Variants in ZNF12 observed in about 807,000 individuals in gnomAD.
ZNF12 encodes gonadotropin inducible transcription repressor 3.
A neutral mutation model predicts 66.6 loss-of-function variants in ZNF12; 34 were observed. The ratio of observed to expected loss-of-function variants is 0.51; its 90% CI spans 0.39 to 0.68. The LOEUF is 0.68. ZNF12 is among the 30% of genes least tolerant of loss of function. The pLI, the probability that ZNF12 is intolerant of heterozygous loss-of-function variation, is 0.00. For synonymous variants in ZNF12, 320 were observed against 278.9 expected (o/e 1.15, Z -1.47); for missense variants, 697 against 826.9 (o/e 0.84, Z 1.93).
In ZNF12 at chr7:6,690,717, G is replaced by T. The variant is rs1048692541; in HGVS notation, c.*131C>A. ...TCCATTCTGTGAGTCTTCAGATTAT[G>T]AGTCCAACACACAAGGGGATGTCCA... On this transcript the variant is annotated 3_prime_UTR_variant, in exon 5 of 5. Coordinates refer to ENST00000405858, the MANE Select transcript of ZNF12 (RefSeq NM_016265.4). 1.1e-6 allele frequency: 1 copy of T among 891,878 alleles called. No individual in the cohort carries two copies. Among genetic ancestry groups the T allele is most frequent in the Non-Finnish European group, 1.6e-6 (1 of 607,000 alleles). 55.2% of individuals were successfully genotyped at this position (891,878 alleles called of 1,614,324 possible).
chr7:6,693,656 C>T (rs1780110087), intron 4 of ZNF12, among the ~76,000 whole-genome samples: 1 of 152,216 alleles, frequency 6.6e-6, no homozygotes, highest in African/African-American at 2.4e-5. Flanking sequence ...ATGGCACCTA[C>T]CTCATAAGGT....
In ZNF12 at chr7:6,692,363, A is replaced by G. The variant is rs755069648; in HGVS notation, c.579T>C (p.Asn193=). ...THPGDQAYEF[N]QNGEPYTLNE... is the part of the protein sequence containing the mutation. ...TTAGAGTATAAGGTTCCCCATTTTG[A>G]TTAAATTCATAAGCTTGATCTCCTG... is the stretch of plus-strand genomic sequence containing the variant. The change falls in exon 5 of 5, where the codon AAT becomes AAC. Residue 193 remains asparagine (N), a synonymous_variant. Coordinates refer to ENST00000405858, the MANE Select transcript of ZNF12 (RefSeq NM_016265.4). The surrounding 1 kb of genome is among the most constrained non-coding windows in gnomAD (Gnocchi z 5.1). 1 of 1,609,574 alleles carries G rather than the reference A, an allele frequency of 6.2e-7. No individual in the cohort carries two copies. The highest frequency in any genetic ancestry group is 8.5e-7 in the Non-Finnish European group (1 of 1,177,956).
chr7:6,700,224 G>A (rs1212553729), intron 2 of ZNF12, among the ~76,000 whole-genome samples: 1 of 151,126 alleles, frequency 6.6e-6, no homozygotes, highest in African/African-American at 2.4e-5. Context: ...GGTGGAGCTT[G>A]CAGTGAGCCG....
rs1314353721 is a variant in ZNF12 at position 6,690,846 on chromosome 7, C to A, written c.*2G>T. On this transcript the variant is annotated 3_prime_UTR_variant, in exon 5 of 5. Transcript: ENST00000405858. ...TTCTCTGATATAAAATGAGGTCTGA[C>A]TTCAGAGAAGCCTTCCCACATCTAT... The A allele has an allele frequency of 1.2e-6, 2 of 1,602,590 alleles. No homozygotes were observed. Among genetic ancestry groups the A allele is most frequent in the Middle Eastern group, 1.7e-4 (1 of 6,004 alleles).
chr7:6,698,279 C>CT lies in ZNF12; in HGVS notation c.16-469_16-468insA, dbSNP rs1274119517. On this transcript the variant is annotated intron_variant, in intron 2 of 4. Coordinates refer to ENST00000405858, the MANE Select transcript of ZNF12 (RefSeq NM_016265.4). This position sits in a 1 kb window ranked among gnomAD's most constrained non-coding sequence, Gnocchi z 4.4. The stretch of plus-strand genomic sequence containing the variant: ...TCCAAGTCATCCTGAATGTTGTGGG[C>CT]CTACGGCTGTCTTGAGTCTTTTTCT... Among the ~76,000 whole-genome samples, 1 of 66 alleles carries CT rather than the reference C, an allele frequency of 0.015. No individual in the cohort carries two copies. Among genetic ancestry groups the CT allele is most frequent in the Non-Finnish European group, 0.031 (1 of 32 alleles). 0.0% of individuals were successfully genotyped at this position (66 alleles called of 152,430 possible).
At position 6,706,517 on chromosome 7, in the gene ZNF12, G is replaced by A. The variant is rs932754043; in HGVS notation, c.-136C>T. On this transcript the variant is annotated 5_prime_UTR_variant, in exon 1 of 5. Coordinates refer to ENST00000405858, the MANE Select transcript of ZNF12 (RefSeq NM_016265.4). The stretch of plus-strand genomic sequence containing the variant: ...TCGCGGGCGCGCGTCTGCTCGCGAG[G>A]TCCCTTCCTGTCCACCTCACCAAGG... 18 of 470,882 alleles carry A rather than the reference G, an allele frequency of 3.8e-5. No homozygotes were observed. Among genetic ancestry groups the A allele is most frequent in the African/African-American group, 7.9e-5 (4 of 50,480 alleles). The allele number at this position is 470,882 out of a possible 1,614,324, so 29.2% of individuals were successfully genotyped here.
intron 4 of ZNF12, among the ~76,000 whole-genome samples, chr7:6,695,330 G>A (rs1481806072): frequency 6.6e-6 from 1 of 152,172 alleles, no homozygotes; most frequent in African/African-American, 2.4e-5. Context: ...AATCATATAG[G>A]TATTTTTCCA....
intron 2 of ZNF12, among the ~76,000 whole-genome samples, chr7:6,703,214 G>C (rs1780286039): frequency 1.3e-5 from 2 of 152,218 alleles, no homozygotes; most frequent in South Asian, 4.1e-4. Flanking sequence ...TTTCGTAGTA[G>C]CCACTCTGGG....
At chr7:6,703,671 A>G (rs1780295616) in intron 2 of ZNF12, among the ~76,000 whole-genome samples, 2 of 152,178 alleles carry the variant, frequency 1.3e-5, no homozygotes, top group South Asian at 4.1e-4. Context: ...GGACAGTTCT[A>G]TGTGGGAAAA....
At chr7:6,700,615 CTATT>C (rs1459028416) in intron 2 of ZNF12, among the ~76,000 whole-genome samples, 1 of 152,156 alleles carries the variant, frequency 6.6e-6, no homozygotes, top group Non-Finnish European at 1.5e-5. Context: ...ATGTCAGTCT[CTATT>C]AATTTCAGCT....
At position 6,706,693 on chromosome 7, in the gene ZNF12, C is replaced by T. The variant is rs1780364894; in HGVS notation, c.-312G>A. 3.8e-6 allele frequency: 1 copy of T among 265,184 alleles called. No individual in the cohort carries two copies. The highest frequency in any genetic ancestry group is 2.4e-5 in the African/African-American group (1 of 41,958). 16.4% of individuals were successfully genotyped at this position (265,184 alleles called of 1,614,324 possible). ...GACGCACACGGGCCGGGCCCGGGTC[C>T]CGCCGCCCCTTCGCCTCCGCCGTCG... is the stretch of plus-strand genomic sequence containing the variant. On this transcript the variant is annotated 5_prime_UTR_variant, in exon 1 of 5. Coordinates refer to ENST00000405858, the MANE Select transcript of ZNF12 (RefSeq NM_016265.4).
chr7:6,700,411 C>T (rs1780221975), intron 2 of ZNF12, among the ~76,000 whole-genome samples: 1 of 151,980 alleles, frequency 6.6e-6, no homozygotes, highest in Non-Finnish European at 1.5e-5. Flanking sequence ...ATTTCAGTCA[C>T]ACTTCTGTCC....
Position 6,691,031 on chromosome 7 carries a change from C to T in ZNF12, c.1911G>A (p.Glu637=), listed in dbSNP as rs764598556. ...HSGEKPFECN[E]CGKAFSRMSY... is the part of the protein sequence containing the mutation. ...ACATCCGAGAGAAGGCTTTTCCACA[C>T]TCATTACATTCAAAGGGTTTCTCTC... Residue 637 remains glutamate, a synonymous_variant, in exon 5 of 5, where the codon GAG becomes GAA. Transcript: ENST00000405858. The T allele has an allele frequency of 1.2e-5, 20 of 1,613,624 alleles. No homozygotes were observed. In the East Asian group the frequency reaches 4.0e-4, roughly 32 times the overall value.
In ZNF12 at chr7:6,692,663, C is replaced by G. The variant is rs764217807; in HGVS notation, c.279G>C (p.Gln93His). The G allele has an allele frequency of 1.2e-5, 20 of 1,608,328 alleles. No homozygotes were observed. In the East Asian group the frequency reaches 4.5e-4, roughly 36 times the overall value. The change falls in exon 5 of 5, where the codon CAG becomes CAC. Residue 93 changes from glutamine to histidine, a missense_variant. Coordinates refer to ENST00000405858, the MANE Select transcript of ZNF12 (RefSeq NM_016265.4). This position sits in a 1 kb window ranked among gnomAD's most constrained non-coding sequence, Gnocchi z 5.1. The part of the protein sequence containing the change: ...WQTDDLIERI[Q>H]EEENKPSRQT... ...GCCTTGAAGGTTTATTTTCCTCTTC[C>G]TGGATTCTCTCTATTAGGTCATCAG...
At chr7:6,703,184 C>T (rs1030568845) in intron 2 of ZNF12, among the ~76,000 whole-genome samples, 1 of 152,202 alleles carries the variant, frequency 6.6e-6, no homozygotes, top group African/African-American at 2.4e-5. Context: ...CTTCCCCATC[C>T]CAGCTTCAGG....
Position 6,692,185 on chromosome 7 carries a change from T to C in ZNF12, c.757A>G (p.Met253Val), listed in dbSNP as rs771972293. Reference sequence around the variant, plus strand: ...GTCTGATGTACAGTGAGGTCCGACATCTGGAGAAAGGCTATTTCAGATCCA... The same window carrying C: ...GTCTGATGTACAGTGAGGTCCGACACCTGGAGAAAGGCTATTTCAGATCCA... ...WNGSEIAFLQ[M>V]SDLTVHQTSH... The change falls in exon 5 of 5, where the codon ATG becomes GTG. Residue 253 changes from methionine to valine, a missense_variant. By Grantham distance (21) the Met-to-Val change is conservative (BLOSUM62 1). Coordinates refer to ENST00000405858, the MANE Select transcript of ZNF12 (RefSeq NM_016265.4). This position sits in a 1 kb window ranked among gnomAD's most constrained non-coding sequence, Gnocchi z 5.1. 6.2e-6 allele frequency: 10 copies of C among 1,614,150 alleles called. No individual in the cohort carries two copies. The South Asian group carries it at 7.7e-5, about 12-fold the overall frequency.
intron 2 of ZNF12, among the ~76,000 whole-genome samples, chr7:6,699,430 G>C (rs1780200334): frequency 6.6e-6 from 1 of 152,208 alleles, no homozygotes; most frequent in Non-Finnish European, 1.5e-5. Context: ...AATCAGGGCT[G>C]AGAGTGTCCA....
In ZNF12 at chr7:6,697,843, C is replaced by A; in HGVS notation, c.16-32G>T. 1 of 1,613,712 alleles carries A rather than the reference C, an allele frequency of 6.2e-7. No homozygotes were observed. Among genetic ancestry groups the A allele is most frequent in the South Asian group, 1.1e-5 (1 of 91,084 alleles). On this transcript the variant is annotated intron_variant, in intron 2 of 4. Transcript: ENST00000405858. The surrounding 1 kb of genome is among the most constrained non-coding windows in gnomAD (Gnocchi z 6.1). Reference sequence around the variant, plus strand: ...TGGCACCGTGATTGGAATTGGGTGACGTGAAATAGGCACATAGGTACAAGA... The same window carrying A: ...TGGCACCGTGATTGGAATTGGGTGAAGTGAAATAGGCACATAGGTACAAGA...
Position 6,705,094 on chromosome 7 carries a change from T to C in ZNF12, c.15+65A>G, listed in dbSNP as rs372128442. On this transcript the variant is annotated intron_variant, in intron 2 of 4. Transcript: ENST00000405858. The surrounding 1 kb of genome is among the most constrained non-coding windows in gnomAD (Gnocchi z 4.0). ...TTTCCCATTTTAAACTTTGAACCCT[T>C]AATCTCCTCCTAAGGTGTATTGTAA... 5.7e-6 allele frequency: 9 copies of C among 1,570,992 alleles called. No individual in the cohort carries two copies. In the African/African-American group the frequency reaches 1.1e-4, roughly 19 times the overall value.
Sources: allele counts gnomAD v4.1 joint callset (sites outside exome capture counted in the v4.1 genomes callset), GRCh38; gene constraint gnomAD v4.1.1; non-coding constraint Gnocchi (gnomAD v3.1); transcripts MANE v1.5; gene names NCBI Gene and HGNC (gene_info 2026-07-23, HGNC 2026-07-21).